Variants in RGS6 observed in about 807,000 individuals in gnomAD.
The protein encoded by RGS6 is regulator of G-protein signaling 6.
In RGS6, 30 loss-of-function variants were observed where a neutral mutation model predicts 78.5. The ratio of observed to expected loss-of-function variants is 0.38; its 90% CI spans 0.29 to 0.52. The LOEUF (loss-of-function observed/expected upper bound fraction) is 0.52, where lower values mean the gene tolerates loss of function less well. Among genes scored for constraint, RGS6 ranks in the 20% least tolerant of loss-of-function variants. RGS6 has a pLI of 0.85. For missense variants in RGS6, 495 were observed against 609.7 expected, an observed-to-expected ratio of 0.81 and a Z score of 1.98; for synonymous variants, 206 against 206.0, an observed-to-expected ratio of 1.00 and a Z score of 0.00.
chr14:72,164,133 C>T (rs191231161), intron 2 of RGS6, among the ~76,000 whole-genome samples: 3 of 152,204 alleles, frequency 2.0e-5, no homozygotes, highest in East Asian at 3.9e-4. Context: ...ACCAGTCTGC[C>T]GTGCCTCACC....
chr14:72,209,426 G>A (rs1237124990), intron 2 of RGS6, among the ~76,000 whole-genome samples: 1 of 151,980 alleles, frequency 6.6e-6, no homozygotes, highest in African/African-American at 2.4e-5. Flanking sequence ...CTTCTTCTTA[G>A]CATTGAAGTG....
intron 3 of RGS6, among the ~76,000 whole-genome samples, chr14:72,451,878 G>A (rs1465008022): frequency 6.6e-6 from 1 of 151,988 alleles, no homozygotes; most frequent in Non-Finnish European, 1.5e-5. Context: ...TGAGCCTCCC[G>A]AGTAGCTGGG....
rs577875003 is a variant in RGS6, at chr14:72,209,888, A to G, written c.85-142207A>G. 7.9e-5 allele frequency among the ~76,000 whole-genome samples: 12 copies of G among 152,336 alleles called. No individual in the cohort carries two copies. The South Asian group carries it at 2.5e-3, about 32-fold the overall frequency. On this transcript the variant is annotated intron_variant, in intron 2 of 17. Transcript: ENST00000553525. ...TTAAGAAAGCACTCTTGATGAAACAATCTACATAAGTAGACTGACCAGTTA... is the reference window on the plus strand; with the variant it reads ...TTAAGAAAGCACTCTTGATGAAACAGTCTACATAAGTAGACTGACCAGTTA...
chr14:72,154,933 G>T (rs1254067023), intron 2 of RGS6, among the ~76,000 whole-genome samples: 1 of 152,216 alleles, frequency 6.6e-6, no homozygotes, highest in Non-Finnish European at 1.5e-5. Flanking sequence ...CCCCAGTGAT[G>T]CCCTGCAGGC....
intron 2 of RGS6, among the ~76,000 whole-genome samples, chr14:71,987,362 C>T (rs2094760212): frequency 6.6e-6 from 1 of 152,068 alleles, no homozygotes; most frequent in Non-Finnish European, 1.5e-5. Flanking sequence ...AAGACCTTCA[C>T]AACCTGCTCA....
At chr14:72,409,322 T>G (rs1041090000) in intron 3 of RGS6, among the ~76,000 whole-genome samples, 2 of 152,114 alleles carry the variant, frequency 1.3e-5, no homozygotes, top group African/African-American at 4.8e-5. Flanking sequence ...AGGCGGAACG[T>G]GGAAGTAAGA....
intron 3 of RGS6, among the ~76,000 whole-genome samples, chr14:72,424,054 A>G (rs190068051): frequency 4.6e-5 from 7 of 152,322 alleles, no homozygotes; most frequent in Admixed American, 4.6e-4. Flanking sequence ...CCATCCAGGT[A>G]GCATAGCAGG....
At chr14:72,057,313 G>GGAAAA (rs1344219538) in intron 2 of RGS6, among the ~76,000 whole-genome samples, 1 of 56,174 alleles carries the variant, frequency 1.8e-5, no homozygotes, top group African/African-American at 7.4e-5. Context: ...GACTCTATCT[G>GGAAAA]AAAAAAAAAA....
At chr14:72,252,529 A>G (rs1405985151) in intron 2 of RGS6, among the ~76,000 whole-genome samples, 1 of 152,198 alleles carries the variant, frequency 6.6e-6, no homozygotes, top group Non-Finnish European at 1.5e-5. Context: ...GTCTGCTCCC[A>G]TCTCCCTGTT....
In RGS6 at chr14:72,014,067, G is replaced by T. The variant is rs149123512; in HGVS notation, c.84+49192G>T. On this transcript the variant is annotated intron_variant, in intron 2 of 17. Coordinates refer to ENST00000553525, the MANE Select transcript of RGS6 (RefSeq NM_001204424.2). ...TACCTAGGTAAATCCCCCTTGGACAGCACAAGGATCTGCAGTAATTTACAA... is the reference window on the plus strand; with the variant it reads ...TACCTAGGTAAATCCCCCTTGGACATCACAAGGATCTGCAGTAATTTACAA... 5.7e-4 allele frequency among the ~76,000 whole-genome samples: 87 copies of T among 152,312 alleles called. 1 individual carries two copies. Among genetic ancestry groups the T allele is most frequent in the Middle Eastern group, 3.4e-3 (1 of 294 alleles).
At chr14:72,072,646 G>C (rs192972129) in intron 2 of RGS6, among the ~76,000 whole-genome samples, 2 of 152,138 alleles carry the variant, frequency 1.3e-5, no homozygotes, top group South Asian at 4.2e-4. Flanking sequence ...AGCACTTAGG[G>C]GAAGCAGAAG....
intron 17 of RGS6, among the ~76,000 whole-genome samples, chr14:72,561,639 C>T (rs2097678024): frequency 6.6e-6 from 1 of 152,226 alleles, no homozygotes; most frequent in Admixed American, 6.5e-5. Flanking sequence ...TCTCCTGGCA[C>T]CTCTATGGCT....
chr14:72,433,735 C>T (rs571961421), intron 3 of RGS6, among the ~76,000 whole-genome samples: 1 of 152,026 alleles, frequency 6.6e-6, no homozygotes, highest in South Asian at 2.1e-4. Context: ...GCCAAACTCT[C>T]GGTTTGCATC....
intron 3 of RGS6, among the ~76,000 whole-genome samples, chr14:72,383,204 A>ATG (rs2086754551): frequency 7.9e-6 from 1 of 126,202 alleles, no homozygotes; most frequent in Non-Finnish European, 1.6e-5. Flanking sequence ...ATATATATAT[A>ATG]TATATATATA....
At chr14:72,151,172 A>G (rs2096680698) in intron 2 of RGS6, among the ~76,000 whole-genome samples, 2 of 152,204 alleles carry the variant, frequency 1.3e-5, no homozygotes, top group Admixed American at 1.3e-4. Flanking sequence ...CATTCAATGT[A>G]TGAGGTGTTG....
intron 2 of RGS6, among the ~76,000 whole-genome samples, chr14:72,343,740 T>C (rs2077469910): frequency 6.6e-6 from 1 of 152,196 alleles, no homozygotes; most frequent in Admixed American, 6.5e-5. Flanking sequence ...CTCTGGTTCA[T>C]GCCAATAATC....
intron 3 of RGS6, among the ~76,000 whole-genome samples, chr14:72,444,758 G>T (rs2095315699): frequency 6.6e-6 from 1 of 152,248 alleles, no homozygotes; most frequent in Non-Finnish European, 1.5e-5. Flanking sequence ...TGGCCAACCT[G>T]GGAGAAGACC....
At chr14:72,001,108 C>T (rs111485956) in intron 2 of RGS6, among the ~76,000 whole-genome samples, 1,686 of 152,190 alleles carry the variant, frequency 0.011, 22 homozygotes, top group Middle Eastern at 0.02. Flanking sequence ...GTCGTGGGGC[C>T]GCTCCTGGCA....
intron 2 of RGS6, among the ~76,000 whole-genome samples, chr14:72,027,953 A>T (rs1443748697): frequency 6.6e-6 from 1 of 152,102 alleles, no homozygotes; most frequent in Non-Finnish European, 1.5e-5. Flanking sequence ...GCATGATCTC[A>T]GTTGGTTTAG....
Sources: gnomAD v4.1 joint callset for allele counts (sites outside exome capture counted in the v4.1 genomes callset) on GRCh38, gnomAD v4.1.1 for gene constraint, MANE v1.5 for transcripts, NCBI Gene and HGNC (gene_info 2026-07-23, HGNC 2026-07-21) for gene names.